The following SIK3 variants were observed in gnomAD, a reference collection of about 807,000 sequenced individuals.
SIK3 encodes SIK family kinase 3, also known as serine/threonine-protein kinase SIK3.
Under a neutral mutation model 144.2 loss-of-function variants are expected in SIK3, and 28 were observed. That is an observed-to-expected ratio of 0.19 (90% CI 0.14 to 0.27). The LOEUF (loss-of-function observed/expected upper bound fraction) is 0.27. Ranked by LOEUF, SIK3 falls within the 10% of genes least tolerant of loss-of-function variation. SIK3 has a pLI of 1.00. For missense variants in SIK3, 1,319 were observed against 1,776.0 expected (o/e 0.74, Z 4.62); for synonymous variants, 686 against 676.3 (o/e 1.01, Z -0.22).
chr11:117,039,682 T>C (rs1952658273), intron 1 of SIK3, among the ~76,000 whole-genome samples: 1 of 152,230 alleles, frequency 6.6e-6, no homozygotes, highest in African/African-American at 2.4e-5. Context: ...TATTGTATCA[T>C]AAGTAACATT....
intron 21 of SIK3, among the ~76,000 whole-genome samples, chr11:116,855,100 A>C (rs1168934694): frequency 6.8e-6 from 1 of 146,482 alleles, no homozygotes; most frequent in African/African-American, 2.5e-5. Context: ...AAAAAAAAAA[A>C]AAAAAAAAAC....
intron 4 of SIK3, among the ~76,000 whole-genome samples, chr11:116,925,193 G>A (rs1025730346): frequency 6.6e-5 from 10 of 151,816 alleles, no homozygotes; most frequent in Admixed American, 2.6e-4. Context: ...AGGTTGCAGT[G>A]AGCTGAGATC....
At chr11:117,038,384 T>C (rs186783646) in intron 1 of SIK3, among the ~76,000 whole-genome samples, 2 of 145,530 alleles carry the variant, frequency 1.4e-5, no homozygotes, top group African/African-American at 5.2e-5. Context: ...TGAGACAGAG[T>C]CTCGCTCTGT....
chr11:117,065,554 C>T (rs527837926), intron 1 of SIK3, among the ~76,000 whole-genome samples: 3 of 152,158 alleles, frequency 2.0e-5, no homozygotes, highest in East Asian at 3.9e-4. Flanking sequence ...ATATTCTATA[C>T]AGCGGAGTTG....
chr11:116,897,132 A>C, intron 5 of SIK3, 61 bp downstream of exon 5: 1 of 1,560,458 alleles, frequency 6.4e-7, no homozygotes, highest in Non-Finnish European at 8.7e-7. Flanking sequence ...CAGGATGCGA[A>C]TAGCTGTCAT....
At chr11:116,900,313 T>C (rs1945665844) in intron 4 of SIK3, among the ~76,000 whole-genome samples, 1 of 152,222 alleles carries the variant, frequency 6.6e-6, no homozygotes, top group African/African-American at 2.4e-5. Context: ...ACTCCATGTG[T>C]CTTGACTCCA....
intron 1 of SIK3, among the ~76,000 whole-genome samples, chr11:116,973,724 T>C (rs1413576266): frequency 2.0e-5 from 3 of 152,292 alleles, no homozygotes; most frequent in East Asian, 1.9e-4. Flanking sequence ...TATGATGTGA[T>C]GAAAATGGCG....
intron 4 of SIK3, among the ~76,000 whole-genome samples, chr11:116,925,817 G>A (rs1342967173): frequency 6.6e-6 from 1 of 152,178 alleles, no homozygotes; most frequent in Non-Finnish European, 1.5e-5. Context: ...AAACCGACAT[G>A]AGAGCAAAGG....
At chr11:116,920,608 T>C (rs1413921499) in intron 4 of SIK3, among the ~76,000 whole-genome samples, 1 of 152,222 alleles carries the variant, frequency 6.6e-6, no homozygotes, top group African/African-American at 2.4e-5. Flanking sequence ...TGTCTGCAAC[T>C]GACAGGTGCC....
chr11:116,861,496 G>A, intron 18 of SIK3, 113 bp from the exon 19 acceptor site: 1 of 758,494 alleles, frequency 1.3e-6, no homozygotes, highest in Admixed American at 3.2e-5. Flanking sequence ...ACTTTGATAA[G>A]CCTCATGTTA....
chr11:117,007,133 T>A (rs997080318), intron 1 of SIK3, among the ~76,000 whole-genome samples: 1 of 152,210 alleles, frequency 6.6e-6, no homozygotes, highest in African/African-American at 2.4e-5. Flanking sequence ...ATCTCAGCAC[T>A]TCGGGAGGCC....
At position 117,061,272 on chromosome 11, in the gene SIK3, T is replaced by TA. The variant is rs913156432; in HGVS notation, c.273+36870dup. On this transcript the variant is annotated intron_variant, in intron 1 of 24. Coordinates refer to ENST00000445177, the MANE Select transcript of SIK3 (RefSeq NM_001366686.3). ...AATAGATAAAATAAAGCCTATTCAT[T>TA]AAAAAAAAAATTTTAAGGTATTACC... Among the ~76,000 whole-genome samples, 32 of 150,024 alleles carry TA rather than the reference T, an allele frequency of 2.1e-4. No individual in the cohort carries two copies. The Middle Eastern group carries it at 0.01, about 49-fold the overall frequency.
intron 1 of SIK3, among the ~76,000 whole-genome samples, chr11:117,002,768 G>A (rs990649268): frequency 6.6e-6 from 1 of 152,186 alleles, no homozygotes; most frequent in Non-Finnish European, 1.5e-5. Flanking sequence ...CATGTAGGAG[G>A]AAGGCTTGTC....
chr11:116,909,824 G>A (rs1036038619), intron 4 of SIK3, among the ~76,000 whole-genome samples: 15 of 152,178 alleles, frequency 9.9e-5, no homozygotes, highest in Non-Finnish European at 2.2e-4. Context: ...GTTTGAAATA[G>A]GAAATGAATG....
In SIK3 at chr11:116,846,704, G is replaced by A; in HGVS notation, c.3953-151C>T. On this transcript the variant is annotated intron_variant, in intron 23 of 24. Coordinates refer to ENST00000445177, the MANE Select transcript of SIK3 (RefSeq NM_001366686.3). The surrounding 1 kb of genome is among the most constrained non-coding windows in gnomAD (Gnocchi z 4.1). ...TTCTAGCTCACAGCAGGCCCTCAAG[G>A]TGTTGAGTGACGATGGGCGGGGGCC... 5 of 827,466 alleles carry A rather than the reference G, an allele frequency of 6.0e-6. No homozygotes were observed. The highest frequency in any genetic ancestry group is 2.7e-5 in the East Asian group (1 of 37,596). The allele number at this position is 827,466 out of a possible 1,614,324, so 51.3% of individuals were successfully genotyped here. A position where few individuals can be genotyped will look rare whatever the true frequency, so the allele number is the denominator to read the frequency against.
At chr11:117,077,355 T>G (rs1954597840) in intron 1 of SIK3, among the ~76,000 whole-genome samples, 1 of 152,216 alleles carries the variant, frequency 6.6e-6, no homozygotes, top group African/African-American at 2.4e-5. Flanking sequence ...GGTCCTCGCT[T>G]TCTGGTGCCG....
At chr11:116,865,558 T>C (rs1478450772) in intron 15 of SIK3, among the ~76,000 whole-genome samples, 2 of 152,216 alleles carry the variant, frequency 1.3e-5, no homozygotes, top group Non-Finnish European at 2.9e-5. Flanking sequence ...GGGACTTGGT[T>C]TCCCACCTGG....
chr11:116,996,671 T>A (rs536177829), intron 1 of SIK3, among the ~76,000 whole-genome samples: 1 of 151,716 alleles, frequency 6.6e-6, no homozygotes, highest in East Asian at 1.9e-4. Context: ...AATATGAAAA[T>A]TAGCTGGGTG....
intron 6 of SIK3, among the ~76,000 whole-genome samples, chr11:116,887,122 T>C (rs1178644855): frequency 6.6e-6 from 1 of 151,812 alleles, no homozygotes; most frequent in African/African-American, 2.4e-5. Flanking sequence ...CATAAAACCA[T>C]GGCTGGGCGT....
Sources: allele counts gnomAD v4.1 joint callset (sites outside exome capture counted in the v4.1 genomes callset), GRCh38; gene constraint gnomAD v4.1.1; non-coding constraint Gnocchi (gnomAD v3.1); transcripts MANE v1.5; gene names NCBI Gene and HGNC (gene_info 2026-07-23, HGNC 2026-07-21).